Variants in TMC7 observed in about 807,000 individuals in gnomAD.
The protein encoded by TMC7 is transmembrane channel like 7.
In TMC7, 54 loss-of-function variants were observed where a neutral mutation model predicts 82.9. That is an observed-to-expected ratio of 0.65 (90% CI 0.52 to 0.82). The LOEUF (loss-of-function observed/expected upper bound fraction) is 0.82, where lower values mean the gene tolerates loss of function less well. Among genes scored for constraint, TMC7 ranks in the 40% least tolerant of loss-of-function variants. The pLI is 0.00. For missense variants in TMC7, 820 were observed against 901.2 expected (o/e 0.91, Z 1.15); for synonymous variants, 350 against 337.9 (o/e 1.04, Z -0.39).
chr16:18,987,151 A>T (rs992660452), intron 1 of TMC7, among the ~76,000 whole-genome samples: 7 of 152,030 alleles, frequency 4.6e-5, no homozygotes, highest in Non-Finnish European at 1.0e-4. Context: ...CTCAAATGTC[A>T]TGTCAGAGAG....
chr16:18,984,600 C>T (rs999144916), intron 1 of TMC7: 1 of 865,956 alleles, frequency 1.2e-6, no homozygotes, highest in Non-Finnish European at 1.4e-6. Flanking sequence ...CTTGCCTTCT[C>T]TGAGCCTCAG....
At chr16:19,009,522 T>C (rs2142171421) in intron 2 of TMC7, 107 bp downstream of exon 2, 1 of 1,345,132 alleles carries the variant, frequency 7.4e-7, no homozygotes, top group African/African-American at 1.5e-5. Context: ...TAAAATTTTA[T>C]TCCTTAGGGT....
At chr16:19,055,413 A>T (rs914350034) in intron 13 of TMC7, among the ~76,000 whole-genome samples, 3 of 152,230 alleles carry the variant, frequency 2.0e-5, no homozygotes, top group African/African-American at 7.2e-5. Context: ...GCTGGAGTAC[A>T]GTGGCCCGAT....
At chr16:19,032,723 G>A (rs1960572992) in intron 6 of TMC7, among the ~76,000 whole-genome samples, 2 of 152,076 alleles carry the variant, frequency 1.3e-5, no homozygotes, top group Non-Finnish European at 2.9e-5. Context: ...TGCCTTCCGG[G>A]TTCAAGCAAT....
chr16:19,043,184 C>T (rs2142276438), intron 9 of TMC7, among the ~76,000 whole-genome samples: 1 of 151,836 alleles, frequency 6.6e-6, no homozygotes, highest in African/African-American at 2.4e-5. Context: ...ATGTTTGTGC[C>T]AACACTCACG....
intron 5 of TMC7, among the ~76,000 whole-genome samples, chr16:19,026,177 A>C (rs1235358278): frequency 8.5e-6 from 1 of 117,472 alleles, no homozygotes; most frequent in Non-Finnish European, 1.7e-5. Flanking sequence ...ATGCAAAAAA[A>C]GTTAAAAAAA....
chr16:19,047,630 C>A (rs992256376), intron 12 of TMC7, among the ~76,000 whole-genome samples: 1 of 150,848 alleles, frequency 6.6e-6, no homozygotes, highest in East Asian at 1.9e-4. Flanking sequence ...CTTGTGACCT[C>A]ATGATCCACC....
intron 1 of TMC7, among the ~76,000 whole-genome samples, chr16:18,985,349 A>G (rs946512737): frequency 4.6e-5 from 7 of 152,158 alleles, no homozygotes; most frequent in Non-Finnish European, 1.5e-5. Flanking sequence ...CAATGTCCAG[A>G]AGAAAAAAAA....
At chr16:18,992,283 G>C (rs1202305864) in intron 1 of TMC7, among the ~76,000 whole-genome samples, 1 of 152,110 alleles carries the variant, frequency 6.6e-6, no homozygotes, top group Non-Finnish European at 1.5e-5. Context: ...TTTAATGATG[G>C]CCATTCTAAC....
chr16:19,021,645 G>A lies in TMC7; in HGVS notation c.477G>A (p.Gly159=). Reference sequence around the variant, plus strand: ...TTTTTCCAGGGAAATTTGGCACTGGGATTCAGTCCTATTTCTCCTTCTTGA... The same window carrying A: ...TTTTTCCAGGGAAATTTGGCACTGGAATTCAGTCCTATTTCTCCTTCTTGA... ...IRSIEGKFGT[G]IQSYFSFLRF... Residue 159 remains glycine, a synonymous_variant, in exon 4 of 16, where the codon GGG becomes GGA. Coordinates refer to ENST00000304381, the MANE Select transcript of TMC7 (RefSeq NM_024847.4). The A allele has an allele frequency of 6.2e-7, 1 of 1,614,092 alleles. No individual in the cohort carries two copies. Among genetic ancestry groups the A allele is most frequent in the Non-Finnish European group, 8.5e-7 (1 of 1,180,008 alleles).
intron 8 of TMC7, among the ~76,000 whole-genome samples, chr16:19,039,085 C>CTT (rs1567522341): frequency 7.6e-6 from 1 of 131,750 alleles, no homozygotes; most frequent in Non-Finnish European, 1.6e-5. Context: ...TTTCTTCTTT[C>CTT]TTTTTTCTTT....
chr16:19,040,138 AG>A lies in TMC7; in HGVS notation c.1180-149del. The A allele has an allele frequency of 1.1e-5, 5 of 466,038 alleles. No homozygotes were observed. The South Asian group carries it at 1.5e-4, about 14-fold the overall frequency. 28.9% of individuals were successfully genotyped at this position (466,038 alleles called of 1,614,324 possible). A position where few individuals can be genotyped will look rare whatever the true frequency, so the allele number is the denominator to read the frequency against. The stretch of plus-strand genomic sequence containing the variant: ...CTCAAAAAAAAAAAAAAAAAAAAAA[AG>A]GAACGAGATGACTTATGCTTACAGG... On this transcript the variant is annotated intron_variant, in intron 8 of 15. Transcript: ENST00000304381.
intron 1 of TMC7, among the ~76,000 whole-genome samples, chr16:18,990,239 A>G (rs924839809): frequency 1.2e-4 from 19 of 152,136 alleles, no homozygotes; most frequent in Admixed American, 1.0e-3. Flanking sequence ...GTCATCAGTT[A>G]AGGCTATTTT....
chr16:19,059,848 G>C (rs1430030090), intron 15 of TMC7: 1 of 572,718 alleles, frequency 1.7e-6, no homozygotes, highest in African/African-American at 1.9e-5. Flanking sequence ...GTGGTGGTGG[G>C]CACCTGTAAT....
At chr16:18,989,693 G>A (rs931252377) in intron 1 of TMC7, among the ~76,000 whole-genome samples, 9 of 151,250 alleles carry the variant, frequency 6.0e-5, no homozygotes, top group African/African-American at 9.7e-5. Flanking sequence ...CGCACTAAAC[G>A]GTAAAGGGAC....
chr16:19,056,730 C>G, intron 14 of TMC7, 33 bp downstream of exon 14: 2 of 1,604,620 alleles, frequency 1.2e-6, no homozygotes, highest in Non-Finnish European at 1.7e-6. Flanking sequence ...CACTGAGGCA[C>G]GTGGGCTCCT....
intron 5 of TMC7, among the ~76,000 whole-genome samples, chr16:19,027,550 A>T (rs1410813412): frequency 2.0e-5 from 3 of 152,112 alleles, no homozygotes; most frequent in Non-Finnish European, 2.9e-5. Context: ...AAATCAGAAA[A>T]TATTTTCCAG....
intron 15 of TMC7, chr16:19,059,896 G>A (rs778182213): frequency 1.1e-5 from 5 of 466,334 alleles, no homozygotes; most frequent in Non-Finnish European, 2.0e-5. Flanking sequence ...AGAATCCCTT[G>A]AACTCAGGAG....
Position 19,051,923 on chromosome 16 carries a change from C to A in TMC7, c.1871+107C>A, listed in dbSNP as rs371541141. 5 of 1,432,972 alleles carry A rather than the reference C, an allele frequency of 3.5e-6. No individual in the cohort carries two copies. The African/African-American group carries it at 7.2e-5, about 21-fold the overall frequency. The allele number at this position is 1,432,972 out of a possible 1,614,324, so 88.8% of individuals were successfully genotyped here. ...ATTTTTTTTTTTTTTGAGATGGAGT[C>A]TTGCTCTGTCACCCAGGCTGGAGTG... On this transcript the variant is annotated intron_variant, in intron 13 of 15. Coordinates refer to ENST00000304381, the MANE Select transcript of TMC7 (RefSeq NM_024847.4).
Sources: allele counts gnomAD v4.1 joint callset (sites outside exome capture counted in the v4.1 genomes callset), GRCh38; gene constraint gnomAD v4.1.1; transcripts MANE v1.5; gene names NCBI Gene and HGNC (gene_info 2026-07-23, HGNC 2026-07-21).